Variants in FMN1 observed in about 807,000 individuals in gnomAD.
FMN1 encodes formin-1.
FMN1 carries 110 observed loss-of-function variants against 132.4 expected under a neutral mutation model. That is an observed-to-expected ratio of 0.83 (90% confidence interval 0.71 to 0.97). FMN1 has a LOEUF of 0.97. Ranked by LOEUF, FMN1 falls within the 50% of genes least tolerant of loss-of-function variation. The probability of loss-of-function intolerance (pLI) is 0.00; values close to 1 mark genes in which losing one functional copy is unlikely to be tolerated. For missense variants in FMN1, 1,792 were observed against 1,705.3 expected, an observed-to-expected ratio of 1.05 and a Z score of -0.90; for synonymous variants, 722 against 651.7, an observed-to-expected ratio of 1.11 and a Z score of -1.64.
chr15:32,985,196 C>G (rs2140807959), intron 7 of FMN1, among the ~76,000 whole-genome samples: 1 of 152,210 alleles, frequency 6.6e-6, no homozygotes, highest in East Asian at 1.9e-4. Flanking sequence ...AGATAACTAA[C>G]AGCTTCCTAA....
chr15:33,126,439 T>G (rs1963077971), intron 4 of FMN1, among the ~76,000 whole-genome samples: 1 of 152,090 alleles, frequency 6.6e-6, no homozygotes, highest in Admixed American at 6.5e-5. Flanking sequence ...AGAAGGTGGG[T>G]GCAGAGGGCA....
intron 17 of FMN1, among the ~76,000 whole-genome samples, chr15:32,851,507 C>G (rs1455850686): frequency 1.3e-5 from 2 of 152,108 alleles, no homozygotes; most frequent in Non-Finnish European, 2.9e-5. Context: ...AATGCCTGCA[C>G]AAGGTTATTC....
At chr15:32,987,703 CTTT>C (rs920107768) in intron 7 of FMN1, among the ~76,000 whole-genome samples, 2 of 151,128 alleles carry the variant, frequency 1.3e-5, no homozygotes, top group Non-Finnish European at 2.9e-5. Flanking sequence ...TTCTGAATCA[CTTT>C]TTTATATTTG....
chr15:32,952,420 T>C (rs555244612), intron 9 of FMN1, among the ~76,000 whole-genome samples: 2 of 152,348 alleles, frequency 1.3e-5, no homozygotes, highest in African/African-American at 4.8e-5. Flanking sequence ...TAAATCTTTC[T>C]TTGTTAATTA....
At chr15:33,096,500 A>T (rs2039089627) in intron 4 of FMN1, among the ~76,000 whole-genome samples, 1 of 152,208 alleles carries the variant, frequency 6.6e-6, no homozygotes, top group Non-Finnish European at 1.5e-5. Context: ...CTTAGGCACC[A>T]GAGTTTTCCT....
At chr15:33,088,715 T>C (rs2038794027) in intron 5 of FMN1, 84 bp downstream of exon 5, 5 of 1,195,148 alleles carry the variant, frequency 4.2e-6, no homozygotes, top group Non-Finnish European at 5.6e-6. Flanking sequence ...CAGCTTTATA[T>C]ACACAATTTA....
At chr15:33,004,949 A>G (rs1353249202) in intron 7 of FMN1, among the ~76,000 whole-genome samples, 4 of 152,162 alleles carry the variant, frequency 2.6e-5, no homozygotes, top group South Asian at 4.1e-4. Context: ...CAAAAAAACC[A>G]AACACCGTAT....
chr15:33,095,710 G>A (rs2039058980), intron 4 of FMN1, among the ~76,000 whole-genome samples: 1 of 152,062 alleles, frequency 6.6e-6, no homozygotes, highest in Non-Finnish European at 1.5e-5. Flanking sequence ...GCAAAAAAAA[G>A]TCATATGGCA....
intron 9 of FMN1, among the ~76,000 whole-genome samples, chr15:32,932,561 A>C (rs1199526540): frequency 6.6e-6 from 1 of 152,188 alleles, no homozygotes; most frequent in African/African-American, 2.4e-5. Flanking sequence ...GAAGAGTTTG[A>C]GAAGCACTGC....
At chr15:33,126,018 G>GT (rs1037190635) in intron 4 of FMN1, among the ~76,000 whole-genome samples, 13 of 144,764 alleles carry the variant, frequency 9.0e-5, no homozygotes, top group South Asian at 4.3e-4. Context: ...TGAGATAACA[G>GT]TAATACCAAA....
chr15:32,900,577 A>G (rs1256187179), intron 13 of FMN1, among the ~76,000 whole-genome samples: 1 of 152,244 alleles, frequency 6.6e-6, no homozygotes, highest in Non-Finnish European at 1.5e-5. Flanking sequence ...ATACAGAAGA[A>G]GTATGTTCTT....
At chr15:33,003,337 G>A (rs56323046) in intron 7 of FMN1, among the ~76,000 whole-genome samples, 2,455 of 152,256 alleles carry the variant, frequency 0.016, 66 homozygotes, top group African/African-American at 0.053. Flanking sequence ...AAGCTGATAA[G>A]CAACTTCAGC....
At chr15:32,846,409 G>A (rs939868943) in intron 17 of FMN1, among the ~76,000 whole-genome samples, 1 of 152,084 alleles carries the variant, frequency 6.6e-6, no homozygotes, top group African/African-American at 2.4e-5. Context: ...AGTGGGCAAA[G>A]GAGATGAACA....
intron 6 of FMN1, chr15:33,012,349 C>T: frequency 1.2e-6 from 1 of 867,690 alleles, no homozygotes; most frequent in South Asian, 1.3e-5. Flanking sequence ...CAAGGCCACA[C>T]AAGGTGGATG....
intron 19 of FMN1, among the ~76,000 whole-genome samples, chr15:32,779,396 T>C (rs1595893060): frequency 6.6e-6 from 1 of 152,226 alleles, no homozygotes; most frequent in East Asian, 1.9e-4. Context: ...TTGGCAAATG[T>C]AAACAATTAG....
chr15:32,823,025 G>A (rs2058261217), intron 17 of FMN1, among the ~76,000 whole-genome samples: 1 of 152,088 alleles, frequency 6.6e-6, no homozygotes, highest in South Asian at 2.1e-4. Flanking sequence ...GGAGAACAGA[G>A]GAGGGCAGAA....
intron 5 of FMN1, chr15:33,067,667 T>G: frequency 6.2e-7 from 1 of 1,614,046 alleles, no homozygotes; most frequent in South Asian, 1.1e-5. Flanking sequence ...ATTGCTGGAA[T>G]CATCCTGCTG....
intron 4 of FMN1, among the ~76,000 whole-genome samples, chr15:33,137,087 C>CAAAAAAAA (rs3082373): frequency 3.8e-5 from 2 of 52,426 alleles, no homozygotes; most frequent in African/African-American, 7.8e-5. Context: ...GACCCCGTCT[C>CAAAAAAAA]AAAAAAAAAA....
chr15:32,973,570 C>T (rs1218814689), intron 7 of FMN1, among the ~76,000 whole-genome samples: 1 of 148,518 alleles, frequency 6.7e-6, no homozygotes, highest in Non-Finnish European at 1.5e-5. Flanking sequence ...CCTCTCTCTG[C>T]CCCTCACCCC....
Sources: allele counts gnomAD v4.1 joint callset (sites outside exome capture counted in the v4.1 genomes callset), GRCh38; gene constraint gnomAD v4.1.1; transcripts MANE v1.5; gene names NCBI Gene and HGNC (gene_info 2026-07-23, HGNC 2026-07-21).